Variants in FLVCR2 observed in about 807,000 individuals in gnomAD.
The protein encoded by FLVCR2 is choline/ethanolamine transporter FLVCR2.
Under a neutral mutation model 48.9 loss-of-function variants are expected in FLVCR2, and 38 were observed. The observed-to-expected ratio is 0.78, with a 90% CI of 0.60 to 1.02. The LOEUF is 1.02. FLVCR2 is among the 50% of genes least tolerant of loss of function. The pLI, the probability that FLVCR2 is intolerant of heterozygous loss-of-function variation, is 0.00. For synonymous variants in FLVCR2, 255 were observed against 257.0 expected, an observed-to-expected ratio of 0.99 and a Z score of 0.07; for missense variants, 664 against 663.3, an observed-to-expected ratio of 1.00 and a Z score of -0.01.
intron 4 of FLVCR2, 113 bp from the exon 5 acceptor site, chr14:75,634,797 G>T: frequency 2.8e-6 from 2 of 722,340 alleles, no homozygotes; most frequent in South Asian, 1.5e-5. Flanking sequence ...TCTGAATATT[G>T]ACTCTGATGG....
intron 1 of FLVCR2, among the ~76,000 whole-genome samples, chr14:75,582,287 C>A (rs960819534): frequency 2.0e-5 from 3 of 152,074 alleles, no homozygotes; most frequent in African/African-American, 4.8e-5. Flanking sequence ...CATATAACAG[C>A]ATGGTGGTGT....
intron 5 of FLVCR2, 126 bp downstream of exon 5, chr14:75,635,139 A>C: frequency 1.4e-6 from 1 of 718,902 alleles, no homozygotes; most frequent in Non-Finnish European, 2.5e-6. Flanking sequence ...TTCAAGTTTG[A>C]CTTCTCTGAG....
At chr14:75,635,043 T>A in intron 5 of FLVCR2, 30 bp downstream of exon 5, 1 of 1,407,624 alleles carries the variant, frequency 7.1e-7, no homozygotes, top group Non-Finnish European at 1.0e-6. Context: ...GGACTGAGAA[T>A]TGGGGACCTG....
chr14:75,646,400 G>C lies in FLVCR2; in HGVS notation c.1510-1G>C. On this transcript the variant is annotated splice_acceptor_variant, in intron 9 of 9. Coordinates refer to ENST00000238667, the MANE Select transcript of FLVCR2 (RefSeq NM_017791.3). LOFTEE classifies it high-confidence loss of function. Reference sequence around the variant, plus strand: ...CACTGCCTGTTTGTTTTGCTTTATAGAAACTCCAAGAGGAGGAGGAGGAGA... The same window carrying C: ...CACTGCCTGTTTGTTTTGCTTTATACAAACTCCAAGAGGAGGAGGAGGAGA... The C allele has an allele frequency of 1.2e-6, 2 of 1,612,988 alleles. No homozygotes were observed. Among genetic ancestry groups the C allele is most frequent in the Non-Finnish European group, 8.5e-7 (1 of 1,179,066 alleles).
intron 1 of FLVCR2, among the ~76,000 whole-genome samples, chr14:75,597,143 T>C (rs936250720): frequency 1.3e-5 from 2 of 151,832 alleles, no homozygotes; most frequent in African/African-American, 4.8e-5. Flanking sequence ...TAGCTGAGCA[T>C]GGTAGAGCTC....
intron 1 of FLVCR2, among the ~76,000 whole-genome samples, chr14:75,585,502 G>T (rs1435692165): frequency 6.6e-6 from 1 of 152,104 alleles, no homozygotes; most frequent in African/African-American, 2.4e-5. Context: ...GAGGGTGGAA[G>T]GTTGCCCATA....
At chr14:75,598,042 G>A (rs1321224712) in intron 1 of FLVCR2, among the ~76,000 whole-genome samples, 1 of 151,142 alleles carries the variant, frequency 6.6e-6, no homozygotes, top group African/African-American at 2.4e-5. Flanking sequence ...ATGAGGTCTC[G>A]CTTTGTTGCC....
intron 1 of FLVCR2, among the ~76,000 whole-genome samples, chr14:75,601,054 A>G (rs1051553727): frequency 6.6e-6 from 1 of 152,256 alleles, no homozygotes; most frequent in Non-Finnish European, 1.5e-5. Context: ...CACAGCATTC[A>G]GAGCCGAGAA....
At chr14:75,607,747 G>A (rs574109398) in intron 1 of FLVCR2, among the ~76,000 whole-genome samples, 6 of 152,144 alleles carry the variant, frequency 3.9e-5, no homozygotes, top group African/African-American at 1.4e-4. Flanking sequence ...TATTTTGCCA[G>A]TGTTGACTTT....
At chr14:75,631,204 T>C (rs563007621) in intron 3 of FLVCR2, among the ~76,000 whole-genome samples, 5 of 152,322 alleles carry the variant, frequency 3.3e-5, no homozygotes, top group African/African-American at 1.2e-4. Context: ...CGCCGCCCTT[T>C]AGCCCCGCTT....
At chr14:75,633,262 G>A (rs1233327784) in intron 3 of FLVCR2, among the ~76,000 whole-genome samples, 2 of 152,152 alleles carry the variant, frequency 1.3e-5, no homozygotes, top group African/African-American at 4.8e-5. Flanking sequence ...TCAGGAAGAG[G>A]AGGGTGTCCA....
At chr14:75,634,577 C>T (rs1357948988) in intron 4 of FLVCR2, among the ~76,000 whole-genome samples, 1 of 152,158 alleles carries the variant, frequency 6.6e-6, no homozygotes, top group African/African-American at 2.4e-5. Context: ...AATTCCCCAT[C>T]TGTGAAATGG....
At chr14:75,622,695 A>G (rs1053826201) in intron 2 of FLVCR2, among the ~76,000 whole-genome samples, 1 of 152,160 alleles carries the variant, frequency 6.6e-6, no homozygotes, top group Admixed American at 6.5e-5. Context: ...CAGAGATTGG[A>G]TTCAAGTCTA....
intron 1 of FLVCR2, among the ~76,000 whole-genome samples, chr14:75,599,673 C>T (rs931695905): frequency 6.6e-6 from 1 of 152,124 alleles, no homozygotes; most frequent in African/African-American, 2.4e-5. Flanking sequence ...AGAAGAACAG[C>T]ATCGGAGATC....
At position 75,602,114 on chromosome 14, in the gene FLVCR2, G is replaced by T. The variant is rs567144044; in HGVS notation, c.670-19965G>T. On this transcript the variant is annotated intron_variant, in intron 1 of 9. Coordinates refer to ENST00000238667, the MANE Select transcript of FLVCR2 (RefSeq NM_017791.3). The stretch of plus-strand genomic sequence containing the variant: ...AGGAAATTGGGATGGGGATTGTGGA[G>T]CTTCCAAGCCCTATCCTGCCACCCT... Among the ~76,000 whole-genome samples, 91 of 152,336 alleles carry T rather than the reference G, an allele frequency of 6.0e-4. 1 individual carries two copies. Among genetic ancestry groups the T allele is most frequent in the African/African-American group, 2.2e-3 (90 of 41,578 alleles).
At chr14:75,644,248 C>T (rs1461001476) in intron 9 of FLVCR2, among the ~76,000 whole-genome samples, 33 of 152,174 alleles carry the variant, frequency 2.2e-4, no homozygotes. Context: ...CCAGAGATAA[C>T]CTAGTAGCAT....
intron 1 of FLVCR2, among the ~76,000 whole-genome samples, chr14:75,592,579 A>G (rs1352596600): frequency 6.6e-6 from 1 of 152,012 alleles, no homozygotes; most frequent in African/African-American, 2.4e-5. Context: ...CAGGCTGCAA[A>G]TTTTCTAAAT....
At chr14:75,645,996 TC>T (rs2140058585) in intron 9 of FLVCR2, among the ~76,000 whole-genome samples, 1 of 151,366 alleles carries the variant, frequency 6.6e-6, no homozygotes, top group South Asian at 2.1e-4. Flanking sequence ...TCCAAGGGAA[TC>T]GCAGACCTGG....
rs377503753 is a variant in FLVCR2 at position 75,624,899 on chromosome 14, CA to C, written c.952+149del. 9.7e-5 allele frequency: 90 copies of C among 931,534 alleles called. 1 individual carries two copies. In the African/African-American group the frequency reaches 1.2e-3, roughly 12 times the overall value. 57.7% of individuals were successfully genotyped at this position (931,534 alleles called of 1,614,324 possible). A position where few individuals can be genotyped will look rare whatever the true frequency, so the allele number is the denominator to read the frequency against. ...TCAATCCAGAGGACCCAGCTATGCC[CA>C]AGGGCCTTTGCATGTGTTGTAAAGT... On this transcript the variant is annotated intron_variant, in intron 3 of 9. Coordinates refer to ENST00000238667, the MANE Select transcript of FLVCR2 (RefSeq NM_017791.3).
Sources: allele counts gnomAD v4.1 joint callset (sites outside exome capture counted in the v4.1 genomes callset), GRCh38; gene constraint gnomAD v4.1.1; transcripts MANE v1.5; gene names NCBI Gene and HGNC (gene_info 2026-07-23, HGNC 2026-07-21).